ZNF385D: variants seen among roughly 807,000 people sequenced by gnomAD.
ZNF385D encodes the protein zinc finger protein 385D, also known as zinc finger protein 659.
Under a neutral mutation model 35.8 loss-of-function variants are expected in ZNF385D, and 15 were observed. The ratio of observed to expected loss-of-function variants is 0.42; its 90% CI spans 0.28 to 0.64. The LOEUF (loss-of-function observed/expected upper bound fraction) is 0.64. ZNF385D is among the 30% of genes least tolerant of loss of function. The pLI, the probability that ZNF385D is intolerant of heterozygous loss-of-function variation, is 0.23. For synonymous variants in ZNF385D, 212 were observed against 186.8 expected (o/e 1.13, Z -1.10); for missense variants, 474 against 494.6 (o/e 0.96, Z 0.39).
chr3:21,644,469 G>A (rs1467260607), intron 2 of ZNF385D, among the ~76,000 whole-genome samples: 2 of 152,056 alleles, frequency 1.3e-5, no homozygotes, highest in African/African-American at 4.8e-5. Flanking sequence ...TTAACCTCAC[G>A]TGAACTTCTT....
chr3:21,583,626 T>C (rs2063727533), intron 2 of ZNF385D, among the ~76,000 whole-genome samples: 1 of 152,118 alleles, frequency 6.6e-6, no homozygotes, highest in South Asian at 2.1e-4. Flanking sequence ...AAGATGAGAA[T>C]TTAATATGTA....
chr3:22,133,434 G>C (rs553491755), intron 3 of ZNF385D: 17 of 151,500 alleles, frequency 1.1e-4, no homozygotes, highest in African/African-American at 3.4e-4. Context: ...AGGAGGGAGA[G>C]AGAAAGGTTA....
At chr3:21,522,070 C>A (rs1468477982) in intron 3 of ZNF385D, among the ~76,000 whole-genome samples, 1 of 151,914 alleles carries the variant, frequency 6.6e-6, no homozygotes, top group Non-Finnish European at 1.5e-5. Context: ...AATTCGGTGC[C>A]CTGGCTGAAA....
chr3:21,849,114 G>C (rs1696206060), intron 3 of ZNF385D, among the ~76,000 whole-genome samples: 1 of 151,924 alleles, frequency 6.6e-6, no homozygotes, highest in Non-Finnish European at 1.5e-5. Context: ...ATTGGTACTT[G>C]GGTTATACAC....
At chr3:21,783,377 A>G (rs972553529) in intron 3 of ZNF385D, among the ~76,000 whole-genome samples, 1 of 152,178 alleles carries the variant, frequency 6.6e-6, no homozygotes, top group African/African-American at 2.4e-5. Context: ...GGAGAGCCAG[A>G]GTAGAGACCT....
intron 3 of ZNF385D, among the ~76,000 whole-genome samples, chr3:21,875,772 CTTCA>C (rs1215584259): frequency 6.6e-6 from 1 of 152,110 alleles, no homozygotes; most frequent in African/African-American, 2.4e-5. Context: ...CTGTTGTCAT[CTTCA>C]TTGTGATCAT....
At chr3:22,221,875 G>C (rs1698276482) in intron 2 of ZNF385D, among the ~76,000 whole-genome samples, 1 of 152,120 alleles carries the variant, frequency 6.6e-6, no homozygotes, top group Admixed American at 6.5e-5. Flanking sequence ...ATATTTCTAT[G>C]ACAGAGTAGC....
chr3:22,272,544 T>C (rs1701229887), intron 2 of ZNF385D, among the ~76,000 whole-genome samples: 2 of 152,000 alleles, frequency 1.3e-5, no homozygotes, highest in African/African-American at 4.8e-5. Flanking sequence ...CCTCTGCTTT[T>C]TATTTATGAA....
intron 3 of ZNF385D, among the ~76,000 whole-genome samples, chr3:22,011,674 T>G (rs1348971726): frequency 5.3e-5 from 8 of 152,112 alleles, no homozygotes; most frequent in Non-Finnish European, 1.0e-4. Context: ...AATGATATAA[T>G]AAAAGCTATA....
intron 4 of ZNF385D, among the ~76,000 whole-genome samples, chr3:21,507,432 A>C (rs1374403567): frequency 1.3e-5 from 2 of 152,154 alleles, no homozygotes; most frequent in East Asian, 1.9e-4. Flanking sequence ...ATGTGATTTC[A>C]TGTGTCTCTA....
intron 3 of ZNF385D, among the ~76,000 whole-genome samples, chr3:21,869,427 A>C (rs1182687067): frequency 1.3e-5 from 2 of 152,158 alleles, no homozygotes; most frequent in Non-Finnish European, 2.9e-5. Flanking sequence ...GCTCATCAGC[A>C]CATCTTTCCT....
intron 3 of ZNF385D, among the ~76,000 whole-genome samples, chr3:22,111,156 TTTTTTTTTTTTTTTTTTTTTG>T (rs1025160276): frequency 1.8e-5 from 1 of 56,276 alleles, no homozygotes; most frequent in African/African-American, 7.0e-5. Context: ...TGTTGGATTT[TTTTTTTTTTTTTTTTTTTTTG>T]TTTTTTTTGT....
intron 3 of ZNF385D, among the ~76,000 whole-genome samples, chr3:21,960,924 G>C (rs563871312): frequency 1.6e-4 from 24 of 152,210 alleles, no homozygotes; most frequent in African/African-American, 5.8e-4. Flanking sequence ...AGGATATGGA[G>C]AAGAGGAGAA....
rs34718956 is a variant in ZNF385D at position 22,174,051 on chromosome 3, C to G, written c.107-5016G>C. ...ACACACACACACACACACACACACA[C>G]AGAGATATCCAAGCCAACCATCACA... On this transcript the variant is annotated intron_variant, in intron 2 of 5. Coordinates refer to the ZNF385D transcript ENST00000494108. Among the ~76,000 whole-genome samples, 983 of 143,718 alleles carry G rather than the reference C, an allele frequency of 6.8e-3. 6 individuals are homozygous for G. The highest frequency in any genetic ancestry group is 0.02 in the African/African-American group (759 of 38,752). 94.3% of individuals were successfully genotyped at this position (143,718 alleles called of 152,430 possible).
At chr3:21,888,965 A>G (rs1698695939) in intron 3 of ZNF385D, among the ~76,000 whole-genome samples, 1 of 152,212 alleles carries the variant, frequency 6.6e-6, no homozygotes. Flanking sequence ...CCAATAAAAG[A>G]GGCTGCAGGT....
chr3:22,254,751 C>G (rs958605080), intron 2 of ZNF385D, among the ~76,000 whole-genome samples: 8 of 151,770 alleles, frequency 5.3e-5, no homozygotes, highest in African/African-American at 1.9e-4. Context: ...CTTCTGTCGG[C>G]ATGTTAATAG....
At chr3:21,607,290 AC>A (rs1370531265) in intron 2 of ZNF385D, among the ~76,000 whole-genome samples, 3 of 152,312 alleles carry the variant, frequency 2.0e-5, no homozygotes, top group African/African-American at 7.2e-5. Context: ...TAATGACTTA[AC>A]GTCATCCTCC....
chr3:22,083,384 T>C (rs1700860197), intron 3 of ZNF385D, among the ~76,000 whole-genome samples: 1 of 152,062 alleles, frequency 6.6e-6, no homozygotes, highest in Non-Finnish European at 1.5e-5. Context: ...AGAGAAGACC[T>C]TAAATGACCT....
chr3:22,328,401 T>C (rs1694773403), intron 2 of ZNF385D, among the ~76,000 whole-genome samples: 1 of 152,198 alleles, frequency 6.6e-6, no homozygotes, highest in African/African-American at 2.4e-5. Flanking sequence ...CTGATGTTAG[T>C]ATATAAGTAT....
Sources: allele counts gnomAD v4.1 joint callset (sites outside exome capture counted in the v4.1 genomes callset), GRCh38; gene constraint gnomAD v4.1.1; transcripts MANE v1.5; gene names NCBI Gene and HGNC (gene_info 2026-07-23, HGNC 2026-07-21).